EPB41L4B: variants seen among roughly 807,000 people sequenced by gnomAD.
The protein encoded by EPB41L4B is erythrocyte membrane protein band 4.1 like 4B.
A neutral mutation model predicts 112.5 loss-of-function variants in EPB41L4B; 30 were observed. The ratio of observed to expected loss-of-function variants is 0.27; its 90% CI spans 0.20 to 0.36. The LOEUF is 0.36. EPB41L4B is among the 10% of genes least tolerant of loss of function. The pLI, the probability that EPB41L4B is intolerant of heterozygous loss-of-function variation, is 1.00. For synonymous variants in EPB41L4B, 408 were observed against 439.7 expected (o/e 0.93, Z 0.90); for missense variants, 1,024 against 1,133.3 (o/e 0.90, Z 1.38).
chr9:109,264,385 A>G (rs937152695), intron 5 of EPB41L4B, among the ~76,000 whole-genome samples: 3 of 152,220 alleles, frequency 2.0e-5, no homozygotes, highest in Admixed American at 6.5e-5. Flanking sequence ...TGACACAGTT[A>G]TAAGAGCTAT....
intron 15 of EPB41L4B, among the ~76,000 whole-genome samples, chr9:109,234,191 G>C (rs1261770198): frequency 1.3e-5 from 2 of 152,006 alleles, no homozygotes; most frequent in African/African-American, 2.4e-5. Flanking sequence ...CTGTGAGCTG[G>C]GGGGAGTATA....
intron 1 of EPB41L4B, among the ~76,000 whole-genome samples, chr9:109,298,050 A>G (rs1448606648): frequency 1.3e-5 from 2 of 152,004 alleles, no homozygotes; most frequent in Admixed American, 6.6e-5. Flanking sequence ...GTGAGTCAGT[A>G]GTCTTAAGAA....
At position 109,255,543 on chromosome 9, in the gene EPB41L4B, G is replaced by A; in HGVS notation, c.1137C>T (p.Asp379=). 6.2e-7 allele frequency: 1 copy of A among 1,614,214 alleles called. No individual in the cohort carries two copies. Among genetic ancestry groups the A allele is most frequent in the East Asian group, 2.2e-5 (1 of 44,884 alleles). The change falls in exon 11 of 26, where the codon GAC becomes GAT. Residue 379 remains aspartate (D), a synonymous_variant. Coordinates refer to ENST00000374566, the MANE Select transcript of EPB41L4B (RefSeq NM_019114.5). ...TPGNSKSNRS[D]FIRLGSRFRF... ...TGAAGCGAGAGCCCAGCCTGATAAAGTCGGATCTATTGGATTTGCTGTTTC... is the reference window on the plus strand; with the variant it reads ...TGAAGCGAGAGCCCAGCCTGATAAAATCGGATCTATTGGATTTGCTGTTTC...
chr9:109,195,886 G>C (rs2118711934), intron 20 of EPB41L4B, among the ~76,000 whole-genome samples: 1 of 152,224 alleles, frequency 6.6e-6, no homozygotes, highest in South Asian at 2.1e-4. Flanking sequence ...TTATGGCCAA[G>C]AAGCATATCT....
intron 15 of EPB41L4B, among the ~76,000 whole-genome samples, chr9:109,218,427 A>G (rs1336626566): frequency 6.6e-6 from 1 of 152,060 alleles, no homozygotes; most frequent in African/African-American, 2.4e-5. Flanking sequence ...CACCCAGCCT[A>G]ACACTAATAA....
chr9:109,200,184 C>T (rs1329898801), intron 20 of EPB41L4B, 52 bp downstream of exon 20: 1 of 1,469,158 alleles, frequency 6.8e-7, no homozygotes, highest in African/African-American at 1.4e-5. Context: ...TGTATCTAAA[C>T]AATTAGTCAT....
In EPB41L4B at chr9:109,204,578, A is replaced by G. The variant is rs371447800; in HGVS notation, c.1879-848T>C. Among the ~76,000 whole-genome samples the G allele has an allele frequency of 7.3e-4, 111 of 152,156 alleles. 2 individuals carry two copies. In the East Asian group the frequency reaches 0.018, roughly 25 times the overall value. On this transcript the variant is annotated intron_variant, in intron 18 of 25. Coordinates refer to ENST00000374566, the MANE Select transcript of EPB41L4B (RefSeq NM_019114.5). ...ACGATCATGGCTCACTGCGGCCTTG[A>G]CTTCCTGGGCTCAATCAATCCTCCT... is the stretch of plus-strand genomic sequence containing the variant.
intron 2 of EPB41L4B, among the ~76,000 whole-genome samples, chr9:109,273,661 C>A (rs1308460038): frequency 6.6e-6 from 1 of 152,080 alleles, no homozygotes; most frequent in Non-Finnish European, 1.5e-5. Flanking sequence ...CACAAGCAAG[C>A]CCCCCCACAC....
At chr9:109,267,633 T>C (rs1835456663) in intron 3 of EPB41L4B, 82 bp from the exon 4 acceptor site, 1 of 897,518 alleles carries the variant, frequency 1.1e-6, no homozygotes, top group Non-Finnish European at 1.8e-6. Flanking sequence ...GAAAGCACGT[T>C]AAATCTATAA....
chr9:109,248,262 G>C (rs2118993323), intron 13 of EPB41L4B, among the ~76,000 whole-genome samples: 1 of 152,310 alleles, frequency 6.6e-6, no homozygotes, highest in South Asian at 2.1e-4. Context: ...GGAGCCACAT[G>C]TGGGTCCCCT....
At chr9:109,232,444 C>T (rs1405012169) in intron 15 of EPB41L4B, among the ~76,000 whole-genome samples, 1 of 152,060 alleles carries the variant, frequency 6.6e-6, no homozygotes, top group East Asian at 1.9e-4. Flanking sequence ...TATGAGAGAC[C>T]CCAAAGGGAC....
intron 9 of EPB41L4B, 129 bp from the exon 10 acceptor site, chr9:109,255,972 T>C (rs1409307491): frequency 4.1e-6 from 5 of 1,224,512 alleles, no homozygotes; most frequent in Non-Finnish European, 5.7e-6. Flanking sequence ...CAAGTGTGAT[T>C]ATCCAGAAGT....
chr9:109,176,061 C>CAT (rs1178898669), intron 25 of EPB41L4B, among the ~76,000 whole-genome samples: 1 of 58,566 alleles, frequency 1.7e-5, no homozygotes, highest in South Asian at 3.4e-4. Context: ...CACACACACA[C>CAT]ACACACACAC....
At chr9:109,228,385 A>G (rs900243142) in intron 15 of EPB41L4B, among the ~76,000 whole-genome samples, 1 of 152,230 alleles carries the variant, frequency 6.6e-6, no homozygotes, top group Non-Finnish European at 1.5e-5. Context: ...GTTCCAAAAA[A>G]AACTGTCCAT....
intron 2 of EPB41L4B, among the ~76,000 whole-genome samples, chr9:109,275,006 C>T (rs944313864): frequency 6.6e-6 from 1 of 152,250 alleles, no homozygotes; most frequent in African/African-American, 2.4e-5. Flanking sequence ...TATGTAGACA[C>T]AGACTCCCAG....
chr9:109,205,460 T>C (rs1832964340), intron 18 of EPB41L4B, among the ~76,000 whole-genome samples: 1 of 152,242 alleles, frequency 6.6e-6, no homozygotes, highest in Admixed American at 6.5e-5. Flanking sequence ...CTTTCTAATG[T>C]AGATAATTAC....
chr9:109,318,871 G>C (rs544254821), intron 1 of EPB41L4B, among the ~76,000 whole-genome samples: 25 of 152,170 alleles, frequency 1.6e-4, no homozygotes, highest in Non-Finnish European at 3.7e-4. Flanking sequence ...AATTGAAACT[G>C]TCTCGAAATT....
chr9:109,287,990 C>G (rs1836363559), intron 1 of EPB41L4B, among the ~76,000 whole-genome samples: 1 of 152,262 alleles, frequency 6.6e-6, no homozygotes, highest in African/African-American at 2.4e-5. Flanking sequence ...ACCTGGACTA[C>G]AGCAACAGGC....
chr9:109,309,136 A>T (rs928396807), intron 1 of EPB41L4B, among the ~76,000 whole-genome samples: 2 of 152,092 alleles, frequency 1.3e-5, no homozygotes, highest in African/African-American at 4.8e-5. Flanking sequence ...GGCAGTAGGG[A>T]GGGGTATAAA....
Sources: allele counts gnomAD v4.1 joint callset (sites outside exome capture counted in the v4.1 genomes callset), GRCh38; gene constraint gnomAD v4.1.1; transcripts MANE v1.5; gene names NCBI Gene and HGNC (gene_info 2026-07-23, HGNC 2026-07-21).